SPMIP2: variants seen among roughly 807,000 people sequenced by gnomAD.
SPMIP2 encodes the protein sperm microtubule inner protein 2, also known as protein SPMIP2.
At chr4:159,066,589 TTA>T in the SPMIP2 span, among the ~76,000 whole-genome samples, 587 of 76,590 alleles carry the variant, frequency 7.7e-3, no homozygotes, top group African/African-American at 9.1e-3. Flanking sequence ...TGTGTGTATT[TTA>T]TATATATATA....
chr4:159,074,322 G>A, the SPMIP2 span, among the ~76,000 whole-genome samples: 1 of 152,002 alleles, frequency 6.6e-6, no homozygotes, highest in Non-Finnish European at 1.5e-5. Context: ...AGAGCTGCAG[G>A]AACAAGGAGC....
the SPMIP2 span, among the ~76,000 whole-genome samples, chr4:158,927,880 G>C: frequency 6.6e-6 from 1 of 152,208 alleles, no homozygotes; most frequent in African/African-American, 2.4e-5. Flanking sequence ...GGGTCCCCCA[G>C]CAGTCCCAGC....
chr4:159,016,424 T>C, the SPMIP2 span, among the ~76,000 whole-genome samples: 5 of 152,264 alleles, frequency 3.3e-5, no homozygotes, highest in Non-Finnish European at 5.9e-5. Flanking sequence ...TAACACTACT[T>C]TTGCTCCATC....
the SPMIP2 span, among the ~76,000 whole-genome samples, chr4:158,899,994 A>C: frequency 6.6e-6 from 1 of 152,160 alleles, no homozygotes; most frequent in Admixed American, 6.5e-5. Flanking sequence ...AGTGCTATAA[A>C]TTTCCCTCTA....
At chr4:158,979,620 G>A in the SPMIP2 span, among the ~76,000 whole-genome samples, 1 of 151,988 alleles carries the variant, frequency 6.6e-6, no homozygotes, top group South Asian at 2.1e-4. Flanking sequence ...AAGCCACGTG[G>A]GACTGTGCCA....
At chr4:158,979,996 G>C in the SPMIP2 span, among the ~76,000 whole-genome samples, 1 of 151,992 alleles carries the variant, frequency 6.6e-6, no homozygotes, top group Admixed American at 6.6e-5. Context: ...ACCGACCTGG[G>C]ACGCTCAAGC....
At chr4:159,051,378 A>C in the SPMIP2 span, among the ~76,000 whole-genome samples, 2 of 152,134 alleles carry the variant, frequency 1.3e-5, no homozygotes, top group South Asian at 4.1e-4. Context: ...ATACCACCAG[A>C]CTGTAAACTG....
the SPMIP2 span, among the ~76,000 whole-genome samples, chr4:158,936,221 T>A: frequency 6.6e-6 from 1 of 152,214 alleles, no homozygotes; most frequent in African/African-American, 2.4e-5. Flanking sequence ...CTTTTTGGAT[T>A]CCAAAATTAA....
At chr4:158,944,086 C>T in the SPMIP2 span, among the ~76,000 whole-genome samples, 2 of 151,994 alleles carry the variant, frequency 1.3e-5, no homozygotes, top group Non-Finnish European at 2.9e-5. Context: ...AATCCCCTGA[C>T]CTTGTGATGC....
At chr4:158,945,321 T>C in the SPMIP2 span, among the ~76,000 whole-genome samples, 1 of 152,108 alleles carries the variant, frequency 6.6e-6, no homozygotes, top group Admixed American at 6.6e-5. Context: ...GCATCACTGC[T>C]CTGGCCGTGG....
chr4:158,999,964 C>G, the SPMIP2 span, among the ~76,000 whole-genome samples: 3 of 152,080 alleles, frequency 2.0e-5, no homozygotes, highest in Non-Finnish European at 4.4e-5. Flanking sequence ...GACCTTGCTG[C>G]CACTGGCATA....
the SPMIP2 span, among the ~76,000 whole-genome samples, chr4:158,948,781 T>G: frequency 6.6e-6 from 1 of 152,042 alleles, no homozygotes; most frequent in South Asian, 2.1e-4. Context: ...ATTTTTGTAT[T>G]TTTTGTAGAG....
the SPMIP2 span, among the ~76,000 whole-genome samples, chr4:158,993,952 C>T: frequency 6.6e-6 from 1 of 152,206 alleles, no homozygotes. Context: ...CCTAATCTGA[C>T]CATAATACCT....
At chr4:158,920,200 G>A in the SPMIP2 span, among the ~76,000 whole-genome samples, 15 of 152,086 alleles carry the variant, frequency 9.9e-5, no homozygotes, top group Admixed American at 2.6e-4. Context: ...GAGGATGTAC[G>A]TCACCTCAGG....
chr4:159,018,097 G>A, the SPMIP2 span, among the ~76,000 whole-genome samples: 11 of 152,158 alleles, frequency 7.2e-5, no homozygotes, highest in East Asian at 7.7e-4. Flanking sequence ...GGTTTGCACT[G>A]AAACTGGTGC....
the SPMIP2 span, among the ~76,000 whole-genome samples, chr4:159,042,087 A>G: frequency 4.6e-5 from 7 of 152,254 alleles, no homozygotes; most frequent in African/African-American, 1.7e-4. Context: ...ATAGTTAGAA[A>G]CTATTCCCTC....
At chr4:158,983,573 G>T in the SPMIP2 span, among the ~76,000 whole-genome samples, 2 of 88,976 alleles carry the variant, frequency 2.2e-5, no homozygotes, top group Non-Finnish European at 4.3e-5. Context: ...ATAAGTGAAG[G>T]AGAAATAAAA....
chr4:159,061,823 A>G, the SPMIP2 span, among the ~76,000 whole-genome samples: 4 of 151,564 alleles, frequency 2.6e-5, no homozygotes, highest in African/African-American at 9.7e-5. Context: ...TTAAAAAAAA[A>G]AAAAAAAGAT....
the SPMIP2 span, among the ~76,000 whole-genome samples, chr4:159,048,815 T>C: frequency 6.7e-6 from 1 of 148,902 alleles, no homozygotes; most frequent in African/African-American, 2.5e-5. Flanking sequence ...GTGATCCTCC[T>C]GCCTCAGCCT....
Sources: allele counts gnomAD v4.1 joint callset (sites outside exome capture counted in the v4.1 genomes callset), GRCh38; gene constraint gnomAD v4.1.1; transcripts MANE v1.5; gene names NCBI Gene and HGNC (gene_info 2026-07-23, HGNC 2026-07-21).